CEP112: variants seen among roughly 807,000 people sequenced by gnomAD.
The protein encoded by CEP112 is centrosomal protein of 112 kDa.
A neutral mutation model predicts 153.0 loss-of-function variants in CEP112; 127 were observed. That is an observed-to-expected ratio of 0.83 (90% confidence interval 0.72 to 0.96). CEP112 has a LOEUF of 0.96. CEP112 is among the 40% of genes least tolerant of loss of function. The pLI, the probability that CEP112 is intolerant of heterozygous loss-of-function variation, is 0.00. For synonymous variants in CEP112, 358 were observed against 374.4 expected (o/e 0.96, Z 0.51); for missense variants, 1,089 against 1,101.2 (o/e 0.99, Z 0.16).
At chr17:66,189,212 T>C (rs1158670345) in intron 1 of CEP112, among the ~76,000 whole-genome samples, 1 of 152,136 alleles carries the variant, frequency 6.6e-6, no homozygotes, top group African/African-American at 2.4e-5. Flanking sequence ...TTAAAAAGTA[T>C]TTTGAAGGCC....
chr17:65,782,238 G>GA (rs1446529442), intron 21 of CEP112, among the ~76,000 whole-genome samples: 2 of 151,654 alleles, frequency 1.3e-5, no homozygotes, highest in Non-Finnish European at 2.9e-5. Context: ...ACAAACATAT[G>GA]AAAAAAAATG....
At chr17:65,659,112 A>T (rs2143787004) in intron 24 of CEP112, among the ~76,000 whole-genome samples, 2 of 151,902 alleles carry the variant, frequency 1.3e-5, no homozygotes, top group Admixed American at 1.3e-4. Flanking sequence ...TAGATAGCAG[A>T]TTAATCACGA....
At chr17:66,177,102 C>T (rs2072513062) in intron 2 of CEP112, 82 bp from the exon 3 acceptor site, 4 of 1,131,956 alleles carry the variant, frequency 3.5e-6, no homozygotes, top group African/African-American at 1.6e-5. Flanking sequence ...ATAGCACCTG[C>T]TTTAGTCTAA....
intron 22 of CEP112, among the ~76,000 whole-genome samples, chr17:65,748,511 C>T (rs1166182948): frequency 1.3e-5 from 2 of 152,088 alleles, no homozygotes; most frequent in Non-Finnish European, 2.9e-5. Context: ...TTCATTCTTC[C>T]CTGCCTCCTT....
At chr17:66,141,972 G>A (rs752771965) in intron 4 of CEP112, among the ~76,000 whole-genome samples, 8 of 152,152 alleles carry the variant, frequency 5.3e-5, no homozygotes, top group Middle Eastern at 3.4e-3. Context: ...TTCCATAATG[G>A]CTATATCAAT....
chr17:65,806,810 C>G (rs1598638907), intron 21 of CEP112, among the ~76,000 whole-genome samples: 1 of 152,184 alleles, frequency 6.6e-6, no homozygotes, highest in African/African-American at 2.4e-5. Flanking sequence ...AATTAAACCT[C>G]TTTTCTTCAT....
intron 21 of CEP112, among the ~76,000 whole-genome samples, chr17:65,771,205 A>G (rs2145512363): frequency 6.6e-6 from 1 of 152,252 alleles, no homozygotes; most frequent in East Asian, 1.9e-4. Context: ...GCAAACAGTA[A>G]TCATAAGAAA....
intron 25 of CEP112, among the ~76,000 whole-genome samples, chr17:65,638,016 G>C (rs913197460): frequency 2.0e-5 from 3 of 152,172 alleles, no homozygotes; most frequent in African/African-American, 7.2e-5. Context: ...GTGGCTCTAG[G>C]AAAATTACTT....
chr17:66,098,048 G>A (rs2068419610), intron 6 of CEP112, among the ~76,000 whole-genome samples: 1 of 152,162 alleles, frequency 6.6e-6, no homozygotes, highest in Admixed American at 6.6e-5. Context: ...TGTGTAAACA[G>A]ACTACAGCTT....
In CEP112 at chr17:66,026,446, T is replaced by G. The variant is rs1042569563; in HGVS notation, c.1656+1055A>C. On this transcript the variant is annotated intron_variant, in intron 16 of 26. Coordinates refer to ENST00000535342, the MANE Select transcript of CEP112 (RefSeq NM_001199165.4). The stretch of plus-strand genomic sequence containing the variant: ...ATCTTTTTCAAGTAGTAGTCAGTAC[T>G]TTCATTGTTTTAGGTTCTTTTGTTA... Among the ~76,000 whole-genome samples the G allele has an allele frequency of 1.0e-4, 11 of 106,208 alleles. No homozygotes were observed. In the East Asian group the frequency reaches 1.8e-3, roughly 17 times the overall value. The allele number at this position is 106,208 out of a possible 152,430, so 69.7% of individuals were successfully genotyped here.
chr17:65,948,405 A>C lies in CEP112; in HGVS notation c.1872+13058T>G, dbSNP rs568211353. 4.6e-5 allele frequency among the ~76,000 whole-genome samples: 7 copies of C among 152,274 alleles called. No homozygotes were observed. The East Asian group carries it at 1.3e-3, about 29-fold the overall frequency. On this transcript the variant is annotated intron_variant, in intron 18 of 26. Coordinates refer to ENST00000535342, the MANE Select transcript of CEP112 (RefSeq NM_001199165.4). ...AAGTCAAGTGGCTAGCGGAAGCCCC[A>C]GGAGGAACTAGTTAGCTGACGTTCA...
chr17:65,679,045 A>G (rs1219743500), intron 24 of CEP112, among the ~76,000 whole-genome samples: 2 of 146,690 alleles, frequency 1.4e-5, no homozygotes, highest in Admixed American at 7.0e-5. Context: ...ACCAAAATCT[A>G]TTAGAATAAC....
intron 21 of CEP112, among the ~76,000 whole-genome samples, chr17:65,772,347 A>G (rs920460908): frequency 7.2e-5 from 11 of 152,164 alleles, no homozygotes; most frequent in Non-Finnish European, 2.9e-5. Context: ...AAATTGATAA[A>G]TTTCTAGATG....
At chr17:65,751,290 G>C (rs151124507) in intron 21 of CEP112, among the ~76,000 whole-genome samples, 1 of 152,256 alleles carries the variant, frequency 6.6e-6, no homozygotes, top group Non-Finnish European at 1.5e-5. Flanking sequence ...TGGAAATAGG[G>C]TGGCCTTTCC....
intron 20 of CEP112, among the ~76,000 whole-genome samples, chr17:65,882,414 CAT>C (rs1204597173): frequency 1.3e-5 from 2 of 152,216 alleles, no homozygotes; most frequent in East Asian, 3.8e-4. Flanking sequence ...TCATTTTAAT[CAT>C]ATTGCCAGAA....
chr17:65,867,664 T>A (rs1234595717), intron 20 of CEP112, among the ~76,000 whole-genome samples: 2 of 152,202 alleles, frequency 1.3e-5, no homozygotes, highest in African/African-American at 4.8e-5. Context: ...GCCTATACAT[T>A]TAAATTCTCC....
chr17:65,667,791 T>C (rs2046769938), intron 24 of CEP112, among the ~76,000 whole-genome samples: 2 of 152,048 alleles, frequency 1.3e-5, no homozygotes, highest in Non-Finnish European at 2.9e-5. Context: ...AAACACTCAA[T>C]AATGAGTCAC....
At chr17:65,762,355 T>C (rs1285190361) in intron 21 of CEP112, among the ~76,000 whole-genome samples, 2 of 152,048 alleles carry the variant, frequency 1.3e-5, no homozygotes, top group Non-Finnish European at 2.9e-5. Context: ...AGACAATATA[T>C]AGTTGGGTCT....
chr17:65,887,964 C>T (rs1314338985), intron 20 of CEP112, among the ~76,000 whole-genome samples: 1 of 152,034 alleles, frequency 6.6e-6, no homozygotes, highest in African/African-American at 2.4e-5. Context: ...GTCTTTCTAC[C>T]CCCTTGTTTG....
Sources: gnomAD v4.1 joint callset for allele counts (sites outside exome capture counted in the v4.1 genomes callset) on GRCh38, gnomAD v4.1.1 for gene constraint, MANE v1.5 for transcripts, NCBI Gene and HGNC (gene_info 2026-07-23, HGNC 2026-07-21) for gene names.